CWC27: variants seen among roughly 807,000 people sequenced by gnomAD.
CWC27 encodes the protein CWC27 spliceosome associated cyclophilin, also known as spliceosome-associated protein CWC27 homolog.
A neutral mutation model predicts 63.6 loss-of-function variants in CWC27; 47 were observed. That is an observed-to-expected ratio of 0.74 (90% CI 0.58 to 0.94). CWC27 has a LOEUF of 0.94. Among genes scored for constraint, CWC27 ranks in the 40% least tolerant of loss-of-function variants. The probability of loss-of-function intolerance (pLI) is 0.00; values close to 1 mark genes in which losing one functional copy is unlikely to be tolerated. For missense variants in CWC27, 495 were observed against 554.3 expected (o/e 0.89, Z 1.07); for synonymous variants, 175 against 179.8 (o/e 0.97, Z 0.22).
chr5:64,840,389 AAAAAAATATAT>A (rs1470752792), intron 10 of CWC27, among the ~76,000 whole-genome samples: 2 of 44,976 alleles, frequency 4.4e-5, no homozygotes, highest in African/African-American at 2.0e-4. Context: ...AAAAAAAAAA[AAAAAAATATAT>A]ATATATATAT....
chr5:64,969,028 G>A (rs763228625), intron 11 of CWC27, among the ~76,000 whole-genome samples: 1 of 152,064 alleles, frequency 6.6e-6, no homozygotes, highest in African/African-American at 2.4e-5. Flanking sequence ...GATTTGTAAG[G>A]CTTCTTTATA....
intron 11 of CWC27, among the ~76,000 whole-genome samples, chr5:64,927,561 T>A (rs1748143195): frequency 6.6e-6 from 1 of 152,216 alleles, no homozygotes. Flanking sequence ...TGCCTAGTTC[T>A]TCTTAAGGCT....
chr5:64,788,928 T>TTC, intron 6 of CWC27, 23 bp from the exon 7 acceptor site: 1 of 1,512,242 alleles, frequency 6.6e-7, no homozygotes, highest in Non-Finnish European at 9.0e-7. Flanking sequence ...TCTTTTTTTT[T>TTC]TTCTTTCTTT....
chr5:64,786,858 G>A (rs1396702558), intron 6 of CWC27, among the ~76,000 whole-genome samples: 10 of 152,022 alleles, frequency 6.6e-5, no homozygotes, highest in South Asian at 2.1e-4. Context: ...GTATTAGTCC[G>A]TTTTCACACT....
At position 65,018,367 on chromosome 5, in the gene CWC27, T is replaced by C. The variant is rs1750087891; in HGVS notation, c.*46T>C. ...GAACTTGCTGGAAATGTGCCTACAA[T>C]GGCCTTGTAACAGCCATTGTTCCCA... is the stretch of plus-strand genomic sequence containing the variant. On this transcript the variant is annotated 3_prime_UTR_variant, in exon 14 of 14. Coordinates refer to ENST00000381070, the MANE Select transcript of CWC27 (RefSeq NM_005869.4). The C allele has an allele frequency of 2.0e-6, 3 of 1,513,218 alleles. No individual in the cohort carries two copies. Among genetic ancestry groups the C allele is most frequent in the Non-Finnish European group, 2.7e-6 (3 of 1,122,748 alleles). 93.7% of individuals were successfully genotyped at this position (1,513,218 alleles called of 1,614,324 possible).
intron 10 of CWC27, among the ~76,000 whole-genome samples, chr5:64,820,357 C>A (rs1745162273): frequency 6.6e-6 from 1 of 152,104 alleles, no homozygotes; most frequent in Admixed American, 6.6e-5. Flanking sequence ...GTACAACAGT[C>A]TTTATCTGCT....
intron 10 of CWC27, among the ~76,000 whole-genome samples, chr5:64,826,511 G>T (rs540404715): frequency 6.6e-5 from 10 of 152,058 alleles, no homozygotes; most frequent in Non-Finnish European, 1.0e-4. Context: ...CAATATTTTT[G>T]ATGGCACTTT....
intron 10 of CWC27, among the ~76,000 whole-genome samples, chr5:64,813,810 G>A (rs1205366216): frequency 2.0e-5 from 3 of 152,174 alleles, no homozygotes; most frequent in Non-Finnish European, 4.4e-5. Context: ...TATAGTTTGG[G>A]AAGAGAAGGG....
intron 13 of CWC27, among the ~76,000 whole-genome samples, chr5:65,008,872 C>T (rs563905926): frequency 2.0e-5 from 3 of 152,198 alleles, no homozygotes; most frequent in South Asian, 4.2e-4. Context: ...GTATAAACCT[C>T]CAAAGTGAGT....
chr5:64,882,016 A>G (rs1746949839), intron 10 of CWC27, among the ~76,000 whole-genome samples: 1 of 152,188 alleles, frequency 6.6e-6, no homozygotes, highest in Non-Finnish European at 1.5e-5. Context: ...TGCAGCGGCT[A>G]CCCAGTTCCA....
chr5:64,783,388 G>GATT (rs1345889632), intron 3 of CWC27, among the ~76,000 whole-genome samples: 1 of 152,176 alleles, frequency 6.6e-6, no homozygotes, highest in Non-Finnish European at 1.5e-5. Context: ...AATCATAGTA[G>GATT]ATTATTTGAA....
intron 13 of CWC27, among the ~76,000 whole-genome samples, chr5:65,011,042 A>G (rs756509627): frequency 2.0e-5 from 3 of 152,200 alleles, no homozygotes; most frequent in Non-Finnish European, 4.4e-5. Context: ...TACAAAGGCC[A>G]ATTGGTACAA....
intron 13 of CWC27, among the ~76,000 whole-genome samples, chr5:64,984,284 A>G (rs1749381759): frequency 6.6e-6 from 1 of 152,200 alleles, no homozygotes. Context: ...AGGCACAGTG[A>G]AGTTAAATAA....
chr5:64,962,424 G>A (rs1286287164), intron 11 of CWC27, among the ~76,000 whole-genome samples: 1 of 152,190 alleles, frequency 6.6e-6, no homozygotes, highest in Non-Finnish European at 1.5e-5. Context: ...GACCCAAATG[G>A]AGGCTCTAAT....
chr5:64,913,489 A>G (rs1173607569), intron 11 of CWC27, among the ~76,000 whole-genome samples: 1 of 152,104 alleles, frequency 6.6e-6, no homozygotes, highest in African/African-American at 2.4e-5. Context: ...CAGAAAAATT[A>G]TAAAATTAAT....
chr5:64,935,840 T>C (rs1456477617), intron 11 of CWC27, among the ~76,000 whole-genome samples: 2 of 152,174 alleles, frequency 1.3e-5, no homozygotes, highest in African/African-American at 4.8e-5. Flanking sequence ...TATTCCTAGG[T>C]ATTTTATTCT....
intron 10 of CWC27, among the ~76,000 whole-genome samples, chr5:64,874,642 C>T (rs1472927330): frequency 6.6e-6 from 1 of 151,962 alleles, no homozygotes; most frequent in East Asian, 1.9e-4. Flanking sequence ...TTGTTAAAAT[C>T]TCTATTTCTA....
At chr5:64,818,689 T>C (rs1339209875) in intron 10 of CWC27, among the ~76,000 whole-genome samples, 2 of 152,164 alleles carry the variant, frequency 1.3e-5, no homozygotes, top group African/African-American at 4.8e-5. Flanking sequence ...ATGATATATG[T>C]AGCTGACCTG....
At chr5:64,928,499 C>T (rs1169931044) in intron 11 of CWC27, among the ~76,000 whole-genome samples, 2 of 152,036 alleles carry the variant, frequency 1.3e-5, no homozygotes, top group Admixed American at 1.3e-4. Context: ...CCTTAGTGAT[C>T]TGAGAAAATG....
Sources: gnomAD v4.1 joint callset for allele counts (sites outside exome capture counted in the v4.1 genomes callset) on GRCh38, gnomAD v4.1.1 for gene constraint, MANE v1.5 for transcripts, NCBI Gene and HGNC (gene_info 2026-07-23, HGNC 2026-07-21) for gene names.